Variants in INPP4B observed in about 807,000 individuals in gnomAD.
The protein encoded by INPP4B is inositol polyphosphate-4-phosphatase type II B, also known as inositol polyphosphate 4-phosphatase type II.
A neutral mutation model predicts 122.5 loss-of-function variants in INPP4B; 55 were observed. The ratio of observed to expected loss-of-function variants is 0.45; its 90% confidence interval spans 0.36 to 0.56. The LOEUF (loss-of-function observed/expected upper bound fraction) is 0.56, where lower values mean the gene tolerates loss of function less well. Among genes scored for constraint, INPP4B ranks in the 20% least tolerant of loss-of-function variants. The pLI, the probability that INPP4B is intolerant of heterozygous loss-of-function variation, is 0.00. For missense variants in INPP4B, 1,000 were observed against 1,097.7 expected (o/e 0.91, Z 1.26); for synonymous variants, 403 against 388.7 (o/e 1.04, Z -0.43).
At chr4:142,752,517 C>G (rs1401727168) in intron 1 of INPP4B, among the ~76,000 whole-genome samples, 2 of 152,044 alleles carry the variant, frequency 1.3e-5, no homozygotes, top group Non-Finnish European at 2.9e-5. Flanking sequence ...CTGCTGGTTG[C>G]TGGAGGAGAA....
chr4:142,425,029 C>G (rs1807737713), intron 5 of INPP4B, among the ~76,000 whole-genome samples: 1 of 152,124 alleles, frequency 6.6e-6, no homozygotes, highest in Admixed American at 6.6e-5. Flanking sequence ...ATTTTATGTG[C>G]TAGTGAAACC....
chr4:142,099,604 T>G (rs1023661132), intron 23 of INPP4B, among the ~76,000 whole-genome samples: 14 of 152,138 alleles, frequency 9.2e-5, no homozygotes, highest in African/African-American at 3.4e-4. Flanking sequence ...CTTTAAACCC[T>G]TATGTCTTCA....
At position 142,028,688 on chromosome 4, in the gene INPP4B, A is replaced by T; in HGVS notation, c.*94T>A. 1 of 1,349,894 alleles carries T rather than the reference A, an allele frequency of 7.4e-7. No homozygotes were observed. The highest frequency in any genetic ancestry group is 1.0e-6 in the Non-Finnish European group (1 of 985,768). 83.6% of individuals were successfully genotyped at this position (1,349,894 alleles called of 1,614,324 possible). A position where few individuals can be genotyped will look rare whatever the true frequency, so the allele number is the denominator to read the frequency against. ...ATCTGTGATCATCTCCCCCACCACA[A>T]ATTCATGACAATAAAAACAAACAAA... On this transcript the variant is annotated 3_prime_UTR_variant, in exon 26 of 26. Coordinates refer to ENST00000262992, the MANE Select transcript of INPP4B (RefSeq NM_001101669.3).
chr4:142,379,369 G>A (rs1383943500), intron 7 of INPP4B, among the ~76,000 whole-genome samples: 1 of 152,110 alleles, frequency 6.6e-6, no homozygotes, highest in African/African-American at 2.4e-5. Flanking sequence ...TTAATGCCAC[G>A]AAACTGAAGG....
chr4:142,467,466 T>G (rs1818004190), intron 2 of INPP4B, among the ~76,000 whole-genome samples: 1 of 152,198 alleles, frequency 6.6e-6, no homozygotes, highest in South Asian at 2.1e-4. Flanking sequence ...TTTTTCCCCT[T>G]TTGGAATGAG....
At chr4:142,537,996 T>C (rs1356428688) in intron 2 of INPP4B, among the ~76,000 whole-genome samples, 1 of 152,068 alleles carries the variant, frequency 6.6e-6, no homozygotes, top group East Asian at 1.9e-4. Context: ...TTTAATACCT[T>C]AACTTTAAAA....
intron 11 of INPP4B, among the ~76,000 whole-genome samples, chr4:142,242,027 G>C (rs55649528): frequency 0.094 from 14,261 of 152,098 alleles, 894 homozygotes; most frequent in South Asian, 0.21. Flanking sequence ...TCATTCCATA[G>C]TTTTAATTAT....
intron 3 of INPP4B, among the ~76,000 whole-genome samples, chr4:142,455,515 A>G (rs1269021654): frequency 6.6e-6 from 1 of 152,056 alleles, no homozygotes; most frequent in Non-Finnish European, 1.5e-5. Context: ...ATGGCTGAAG[A>G]GTACTCCATT....
intron 15 of INPP4B, among the ~76,000 whole-genome samples, chr4:142,183,664 C>T (rs923053391): frequency 6.6e-6 from 1 of 152,120 alleles, no homozygotes; most frequent in South Asian, 2.1e-4. Flanking sequence ...TGGAGTTTAA[C>T]AAGTTCAAAA....
In INPP4B at chr4:142,522,374, T is replaced by TAA. The variant is rs1309706605; in HGVS notation, c.-190-59649_-190-59648insTT. ...CCCCGAGACATGAGATTTCCCTATG[T>TAA]TGCCCAGGCTGGAGTGAAGTGGTTA... On this transcript the variant is annotated intron_variant, in intron 2 of 25. Coordinates refer to ENST00000262992, the MANE Select transcript of INPP4B (RefSeq NM_001101669.3). Among the ~76,000 whole-genome samples, 13 of 128,782 alleles carry TAA rather than the reference T, an allele frequency of 1.0e-4. No homozygotes were observed. In the East Asian group the frequency reaches 3.3e-3, roughly 32 times the overall value. 84.5% of individuals were successfully genotyped at this position (128,782 alleles called of 152,430 possible). A position where few individuals can be genotyped will look rare whatever the true frequency, so the allele number is the denominator to read the frequency against.
At position 142,452,377 on chromosome 4, in the gene INPP4B, C is replaced by T. The variant is rs2087445; in HGVS notation, c.-127+10286G>A. Among the ~76,000 whole-genome samples, 953 of 152,264 alleles carry T rather than the reference C, an allele frequency of 6.3e-3. 14 individuals carry two copies. The highest frequency in any genetic ancestry group is 0.022 in the African/African-American group (897 of 41,550). ...AATGCAGTGAGTCAGCCATCTGACTCGTTAGATTTTGTTCTGTGTCATTCA... is the reference window on the plus strand; with the variant it reads ...AATGCAGTGAGTCAGCCATCTGACTTGTTAGATTTTGTTCTGTGTCATTCA... On this transcript the variant is annotated intron_variant, in intron 3 of 25. Transcript: ENST00000262992.
rs566338586 is a variant in INPP4B at position 142,326,921 on chromosome 4, C to A, written c.373-12159G>T. 9.2e-5 allele frequency among the ~76,000 whole-genome samples: 14 copies of A among 152,272 alleles called. 1 individual carries two copies. The South Asian group carries it at 2.9e-3, about 32-fold the overall frequency. ...GAACCTGGGATAATTTGCCCAGGGC[C>A]ACTTCATTAGCAAATTGCAGACATT... On this transcript the variant is annotated intron_variant, in intron 7 of 25. Coordinates refer to ENST00000262992, the MANE Select transcript of INPP4B (RefSeq NM_001101669.3).
At chr4:142,449,010 TG>T in intron 3 of INPP4B, among the ~76,000 whole-genome samples, 1 of 152,228 alleles carries the variant, frequency 6.6e-6, no homozygotes. Context: ...GAAATGTTTC[TG>T]CCCAGGAAAA....
At chr4:142,414,301 A>T (rs565134423) in intron 5 of INPP4B, among the ~76,000 whole-genome samples, 8 of 148,328 alleles carry the variant, frequency 5.4e-5, no homozygotes, top group African/African-American at 1.7e-4. Context: ...GCTTTTAAAT[A>T]AAAAAAAAAT....
At chr4:142,592,243 G>T (rs1172889889) in intron 2 of INPP4B, among the ~76,000 whole-genome samples, 1 of 152,154 alleles carries the variant, frequency 6.6e-6, no homozygotes, top group African/African-American at 2.4e-5. Context: ...GAATGTAGGT[G>T]TGTAAACCAA....
chr4:142,759,777 T>TTTGCC (rs1771026734), intron 1 of INPP4B, among the ~76,000 whole-genome samples: 1 of 141,158 alleles, frequency 7.1e-6, no homozygotes, highest in South Asian at 2.3e-4. Flanking sequence ...ACAAAGGTAA[T>TTTGCC]TTGCCTCTCA....
intron 5 of INPP4B, among the ~76,000 whole-genome samples, chr4:142,415,676 T>A (rs1579996397): frequency 6.6e-6 from 1 of 152,168 alleles, no homozygotes; most frequent in East Asian, 1.9e-4. Context: ...GGATTATAAA[T>A]CATGCTGCTA....
chr4:142,245,973 CAT>C lies in INPP4B; in HGVS notation c.689-7964_689-7963del, dbSNP rs1491246351. Among the ~76,000 whole-genome samples the C allele has an allele frequency of 1.4e-4, 2 of 14,204 alleles. 1 individual carries two copies. The highest frequency in any genetic ancestry group is 4.4e-4 in the African/African-American group (2 of 4,570). 9.3% of individuals were successfully genotyped at this position (14,204 alleles called of 152,430 possible). A position where few individuals can be genotyped will look rare whatever the true frequency, so the allele number is the denominator to read the frequency against. The stretch of plus-strand genomic sequence containing the variant: ...ACATATATATGTGTATGTATACACA[CAT>C]GTGTGTATGTATACATATATATGTG... On this transcript the variant is annotated intron_variant, in intron 11 of 25. Transcript: ENST00000262992.
intron 1 of INPP4B, among the ~76,000 whole-genome samples, chr4:142,753,398 T>A (rs994538687): frequency 5.3e-5 from 8 of 152,106 alleles, no homozygotes; most frequent in African/African-American, 1.7e-4. Context: ...TTACTCATAC[T>A]CTTAAACCTA....
Sources: gnomAD v4.1 joint callset for allele counts (sites outside exome capture counted in the v4.1 genomes callset) on GRCh38, gnomAD v4.1.1 for gene constraint, MANE v1.5 for transcripts, NCBI Gene and HGNC (gene_info 2026-07-23, HGNC 2026-07-21) for gene names.